PARVB: variants seen among roughly 807,000 people sequenced by gnomAD.
PARVB encodes parvin beta.
Under a neutral mutation model 47.0 loss-of-function variants are expected in PARVB, and 46 were observed. The observed-to-expected ratio is 0.98, with a 90% CI of 0.77 to 1.25. The LOEUF (loss-of-function observed/expected upper bound fraction) is 1.25, where lower values mean the gene tolerates loss of function less well. PARVB is among the 50% of genes most tolerant of loss of function. PARVB has a pLI of 0.00. For missense variants in PARVB, 473 were observed against 471.6 expected (o/e 1.00, Z -0.03); for synonymous variants, 196 against 196.3 (o/e 1.00, Z 0.01).
chr22:44,007,183 A>G (rs186283557), intron 2 of PARVB, among the ~76,000 whole-genome samples: 15 of 151,842 alleles, frequency 9.9e-5, no homozygotes, highest in Admixed American at 6.6e-4. Flanking sequence ...GCGGGCGGAG[A>G]TGACACTTCA....
At chr22:44,138,048 A>G (rs1417582519) in intron 7 of PARVB, among the ~76,000 whole-genome samples, 1 of 152,158 alleles carries the variant, frequency 6.6e-6, no homozygotes, top group Non-Finnish European at 1.5e-5. Flanking sequence ...TGGTCCAGAG[A>G]CAGAGAATGA....
intron 1 of PARVB, among the ~76,000 whole-genome samples, chr22:44,084,192 C>T (rs1392748663): frequency 6.6e-6 from 1 of 152,192 alleles, no homozygotes; most frequent in East Asian, 1.9e-4. Flanking sequence ...AGTCTCAGTG[C>T]AGTTCATTAG....
At chr22:44,095,909 C>T (rs564636570) in intron 2 of PARVB, among the ~76,000 whole-genome samples, 10 of 152,206 alleles carry the variant, frequency 6.6e-5, no homozygotes, top group Non-Finnish European at 1.3e-4. Flanking sequence ...GTCCACGGGG[C>T]TTTCTCTCCC....
intron 4 of PARVB, among the ~76,000 whole-genome samples, chr22:44,126,085 G>C (rs1388365914): frequency 6.6e-6 from 1 of 152,134 alleles, no homozygotes; most frequent in African/African-American, 2.4e-5. Context: ...CCTTTTGGAG[G>C]TGATGCTGAG....
rs1387680264 is a variant in PARVB at position 44,170,340 on chromosome 22, T to G, written c.*1662T>G. 1.3e-5 allele frequency: 2 copies of G among 152,092 alleles called. No homozygotes were observed. The highest frequency in any genetic ancestry group is 2.9e-5 in the Non-Finnish European group (2 of 68,002). 9.4% of individuals were successfully genotyped at this position (152,092 alleles called of 1,614,324 possible). A position where few individuals can be genotyped will look rare whatever the true frequency, so the allele number is the denominator to read the frequency against. ...TAGAAGGGCTGCGGTCCTATTGGAT[T>G]AGGGCCCACTTATATGACCTCATTT... On this transcript the variant is annotated 3_prime_UTR_variant, in exon 13 of 13. Coordinates refer to ENST00000338758, the MANE Select transcript of PARVB (RefSeq NM_013327.5).
intron 2 of PARVB, among the ~76,000 whole-genome samples, chr22:44,008,229 C>T (rs2084644424): frequency 6.6e-6 from 1 of 152,034 alleles, no homozygotes; most frequent in Admixed American, 6.6e-5. Context: ...GCACCCCCGC[C>T]CGCCTCCGAG....
chr22:44,018,564 C>T lies in PARVB; in HGVS notation c.211+18891C>T, dbSNP rs79322629. ...GTCATTCTCCAGGTTTTGGGGCTCC[C>T]AACTCCAAATGTTCATTCCTCTTTG... On this transcript the variant is annotated intron_variant, in intron 2 of 13. Coordinates refer to the PARVB transcript ENST00000406477. 5.3e-3 allele frequency among the ~76,000 whole-genome samples: 807 copies of T among 152,294 alleles called. 9 individuals carry two copies. Among genetic ancestry groups the T allele is most frequent in the African/African-American group, 0.019 (780 of 41,558 alleles).
At chr22:44,003,080 C>G (rs569842465) in intron 2 of PARVB, among the ~76,000 whole-genome samples, 57 of 152,262 alleles carry the variant, frequency 3.7e-4, no homozygotes, top group Admixed American at 1.7e-3. Context: ...TTCCCCCGTG[C>G]TTTTCAATCA....
At chr22:44,012,664 C>T (rs2050534760) in intron 2 of PARVB, among the ~76,000 whole-genome samples, 1 of 152,094 alleles carries the variant, frequency 6.6e-6, no homozygotes, top group South Asian at 2.1e-4. Context: ...TTAAATATTT[C>T]CATCACTTCT....
intron 1 of PARVB, among the ~76,000 whole-genome samples, chr22:44,036,863 T>TTGGGAGGCTCAGG (rs966986377): frequency 1.3e-5 from 2 of 151,778 alleles, no homozygotes; most frequent in Non-Finnish European, 2.9e-5. Context: ...TCCCAGCTAC[T>TTGGGAGGCTCAGG]TGGGAGGCTC....
At chr22:44,160,295 G>A (rs191380464) in intron 11 of PARVB, among the ~76,000 whole-genome samples, 1 of 152,318 alleles carries the variant, frequency 6.6e-6, no homozygotes, top group African/African-American at 2.4e-5. Flanking sequence ...CAGCATTACT[G>A]GATGAGGACA....
At chr22:44,139,843 C>A in intron 7 of PARVB, 1 of 463,028 alleles carries the variant, frequency 2.2e-6, no homozygotes. Flanking sequence ...AGTACCTCCC[C>A]TCCAAACAAC....
At chr22:44,031,422 C>T (rs1269743463) in intron 1 of PARVB, 2 of 152,340 alleles carry the variant, frequency 1.3e-5, no homozygotes, top group Non-Finnish European at 2.9e-5. Flanking sequence ...ACCTGCACCA[C>T]GTGGGTGTTT....
At chr22:44,021,294 A>T (rs1027711936), upstream of PARVB, among the ~76,000 whole-genome samples, 1 of 152,200 alleles carries the variant, frequency 6.6e-6, no homozygotes, top group African/African-American at 2.4e-5. Flanking sequence ...CAGTCAGACA[A>T]GGCAGGTCAG....
intron 4 of PARVB, among the ~76,000 whole-genome samples, chr22:44,123,217 A>G (rs768984549): frequency 2.6e-5 from 4 of 152,156 alleles, no homozygotes; most frequent in Admixed American, 6.5e-5. Flanking sequence ...CAACACTCCA[A>G]TTTCTCTGCA....
rs552265068 is a variant in PARVB at position 44,137,774 on chromosome 22, T to C, written c.692+1256T>C. ...GCATCTTCCCAGGGTGCTCTCAGGG[T>C]CCTGAGAGAGTGAGAATGCAGCTGC... On this transcript the variant is annotated intron_variant, in intron 7 of 12. Coordinates refer to ENST00000338758, the MANE Select transcript of PARVB (RefSeq NM_013327.5). Among the ~76,000 whole-genome samples the C allele has an allele frequency of 2.0e-5, 3 of 152,116 alleles. No homozygotes were observed. In the South Asian group the frequency reaches 6.2e-4, roughly 32 times the overall value.
intron 1 of PARVB, among the ~76,000 whole-genome samples, chr22:44,042,859 G>T (rs2051043870): frequency 6.6e-6 from 1 of 152,148 alleles, no homozygotes; most frequent in Admixed American, 6.6e-5. Flanking sequence ...TAGAAGATCT[G>T]CTGGAGAAAA....
chr22:44,156,141 G>C (rs1184500632), intron 10 of PARVB, among the ~76,000 whole-genome samples: 1 of 151,946 alleles, frequency 6.6e-6, no homozygotes, highest in East Asian at 1.9e-4. Context: ...ACTCCAGCAG[G>C]GCCCAGACCC....
intron 4 of PARVB, among the ~76,000 whole-genome samples, chr22:44,122,520 CAGAGAGACA>C (rs2053077725): frequency 2.0e-5 from 1 of 49,832 alleles, no homozygotes; most frequent in Non-Finnish European, 4.2e-5. Context: ...GAGAGAGAGA[CAGAGAGACA>C]GAGAGAGAGA....
Sources: allele counts gnomAD v4.1 joint callset (sites outside exome capture counted in the v4.1 genomes callset), GRCh38; gene constraint gnomAD v4.1.1; transcripts MANE v1.5; gene names NCBI Gene and HGNC (gene_info 2026-07-23, HGNC 2026-07-21).